LRMDA: variants seen among roughly 807,000 people sequenced by gnomAD.
LRMDA encodes leucine rich melanocyte differentiation associated.
LRMDA carries 18 observed loss-of-function variants against 29.8 expected under a neutral mutation model. The observed-to-expected ratio is 0.60, with a 90% CI of 0.42 to 0.90. LRMDA has a LOEUF of 0.90. Ranked by LOEUF, LRMDA falls within the 40% of genes least tolerant of loss-of-function variation. The probability of loss-of-function intolerance (pLI) is 0.00; values close to 1 mark genes in which losing one functional copy is unlikely to be tolerated. For synonymous variants in LRMDA, 125 were observed against 109.4 expected, an observed-to-expected ratio of 1.14 and a Z score of -0.89; for missense variants, 273 against 273.9, an observed-to-expected ratio of 1.00 and a Z score of 0.02.
chr10:76,019,328 T>C (rs920577248), intron 2 of LRMDA, among the ~76,000 whole-genome samples: 3 of 152,138 alleles, frequency 2.0e-5, no homozygotes, highest in African/African-American at 7.2e-5. Flanking sequence ...CATCTCAAAA[T>C]TGATGGATTC....
intron 2 of LRMDA, among the ~76,000 whole-genome samples, chr10:75,505,178 G>A (rs537470676): frequency 9.8e-5 from 15 of 152,326 alleles, no homozygotes; most frequent in South Asian, 6.2e-4. Context: ...GCTAACAAGA[G>A]AGAAATGGAT....
At chr10:75,562,943 C>G (rs1428783154) in intron 2 of LRMDA, among the ~76,000 whole-genome samples, 3 of 152,126 alleles carry the variant, frequency 2.0e-5, no homozygotes, top group Non-Finnish European at 2.9e-5. Context: ...CCCGACCTTT[C>G]TCTCTGGCTG....
intron 6 of LRMDA, among the ~76,000 whole-genome samples, chr10:76,403,578 AT>A (rs1156622267): frequency 6.6e-6 from 1 of 152,040 alleles, no homozygotes; most frequent in Non-Finnish European, 1.5e-5. Flanking sequence ...TAATTTTGTT[AT>A]TTTTTCCTTC....
At chr10:76,084,364 A>ATTTTTGT (rs1849099143) in intron 5 of LRMDA, among the ~76,000 whole-genome samples, 1 of 70,904 alleles carries the variant, frequency 1.4e-5, no homozygotes, top group Non-Finnish European at 2.6e-5. Context: ...CGCCCAGCTA[A>ATTTTTGT]TTTTTTTTTT....
intron 4 of LRMDA, among the ~76,000 whole-genome samples, chr10:76,056,344 G>A (rs1564640965): frequency 6.6e-6 from 1 of 152,306 alleles, no homozygotes; most frequent in East Asian, 1.9e-4. Flanking sequence ...TTCTCACTCT[G>A]ATTTACGAAA....
At chr10:76,028,072 T>C (rs1046831006) in intron 2 of LRMDA, among the ~76,000 whole-genome samples, 1 of 152,328 alleles carries the variant, frequency 6.6e-6, no homozygotes, top group Middle Eastern at 3.4e-3. Context: ...AAGGTAATTA[T>C]TTTTAAGTCT....
At chr10:75,728,995 C>T (rs905856715) in intron 2 of LRMDA, among the ~76,000 whole-genome samples, 3 of 152,148 alleles carry the variant, frequency 2.0e-5, no homozygotes, top group African/African-American at 7.2e-5. Context: ...GCCTCCTGCT[C>T]ATCACCTTCA....
At chr10:75,936,274 G>C (rs1167064285) in intron 2 of LRMDA, among the ~76,000 whole-genome samples, 1 of 152,118 alleles carries the variant, frequency 6.6e-6, no homozygotes, top group East Asian at 1.9e-4. Flanking sequence ...GGAATCCTCA[G>C]ACCTGGGTCA....
At chr10:76,309,131 T>C (rs1042014535) in intron 5 of LRMDA, among the ~76,000 whole-genome samples, 2 of 152,208 alleles carry the variant, frequency 1.3e-5, no homozygotes, top group Non-Finnish European at 2.9e-5. Flanking sequence ...AGATGGATCA[T>C]TGGGTAAACC....
chr10:76,012,939 G>A (rs551032266), intron 2 of LRMDA, among the ~76,000 whole-genome samples: 1 of 152,284 alleles, frequency 6.6e-6, no homozygotes, highest in Non-Finnish European at 1.5e-5. Flanking sequence ...GTCAGATAAA[G>A]GAGAAAGTGA....
chr10:75,902,521 A>G (rs1845692671), intron 2 of LRMDA, among the ~76,000 whole-genome samples: 1 of 85,352 alleles, frequency 1.2e-5, no homozygotes, highest in Admixed American at 1.3e-4. Context: ...GAGCTCTCTC[A>G]CTAAAATCTA....
chr10:76,501,910 G>A (rs1335449295), intron 6 of LRMDA, among the ~76,000 whole-genome samples: 1 of 151,904 alleles, frequency 6.6e-6, no homozygotes, highest in Admixed American at 6.6e-5. Context: ...TGCTTTTGGG[G>A]ATTTAGCCCA....
chr10:76,494,047 T>C (rs1842859133), intron 6 of LRMDA, among the ~76,000 whole-genome samples: 1 of 152,068 alleles, frequency 6.6e-6, no homozygotes, highest in South Asian at 2.1e-4. Context: ...AAACTCATTT[T>C]ATAGTCCCAG....
intron 5 of LRMDA, among the ~76,000 whole-genome samples, chr10:76,307,399 G>A (rs1840570835): frequency 6.6e-6 from 1 of 152,216 alleles, no homozygotes; most frequent in South Asian, 2.1e-4. Flanking sequence ...CTGGGATGCA[G>A]TGAGGGGCTC....
intron 6 of LRMDA, among the ~76,000 whole-genome samples, chr10:76,345,690 G>A (rs965977305): frequency 6.6e-6 from 1 of 151,946 alleles, no homozygotes; most frequent in African/African-American, 2.4e-5. Flanking sequence ...AACCTTACAC[G>A]TGCATTTACT....
intron 6 of LRMDA, among the ~76,000 whole-genome samples, chr10:76,382,956 C>T (rs1229285383): frequency 1.3e-5 from 2 of 152,148 alleles, no homozygotes; most frequent in Non-Finnish European, 2.9e-5. Context: ...GTGCCTTTTT[C>T]CCATTACAGT....
chr10:75,610,374 A>G (rs529806045), intron 2 of LRMDA, among the ~76,000 whole-genome samples: 17 of 151,706 alleles, frequency 1.1e-4, no homozygotes, highest in African/African-American at 4.1e-4. Flanking sequence ...CACACACATC[A>G]TACACCCCCA....
chr10:75,508,673 A>G (rs904668736), intron 2 of LRMDA, among the ~76,000 whole-genome samples: 1 of 152,150 alleles, frequency 6.6e-6, no homozygotes, highest in Non-Finnish European at 1.5e-5. Context: ...ATGGTTTCCA[A>G]ATTGAATTCC....
At chr10:75,549,841 G>A (rs1320063891) in intron 2 of LRMDA, among the ~76,000 whole-genome samples, 1 of 151,934 alleles carries the variant, frequency 6.6e-6, no homozygotes, top group Non-Finnish European at 1.5e-5. Context: ...TGTAATTATT[G>A]TCTCAGTGGC....
Sources: gnomAD v4.1 joint callset for allele counts (sites outside exome capture counted in the v4.1 genomes callset) on GRCh38, gnomAD v4.1.1 for gene constraint, MANE v1.5 for transcripts, NCBI Gene and HGNC (gene_info 2026-07-23, HGNC 2026-07-21) for gene names.